The following FBXL4 variants were observed in gnomAD, a reference collection of about 807,000 sequenced individuals.
The protein encoded by FBXL4 is F-box and leucine rich repeat protein 4.
A neutral mutation model predicts 58.9 loss-of-function variants in FBXL4; 40 were observed. The observed-to-expected ratio is 0.68, with a 90% CI of 0.53 to 0.88. The LOEUF (loss-of-function observed/expected upper bound fraction) is 0.88. Among genes scored for constraint, FBXL4 ranks in the 40% least tolerant of loss-of-function variants. FBXL4 has a pLI of 0.00. For synonymous variants in FBXL4, 263 were observed against 265.5 expected (o/e 0.99, Z 0.09); for missense variants, 676 against 734.4 (o/e 0.92, Z 0.92).
chr6:98,890,940 A>C (rs530126419), intron 7 of FBXL4, among the ~76,000 whole-genome samples: 6 of 152,266 alleles, frequency 3.9e-5, no homozygotes, highest in African/African-American at 7.2e-5. Context: ...AAAACAACAA[A>C]AAAAAAGTTG....
chr6:98,939,472 A>C (rs1258297023), intron 1 of FBXL4, among the ~76,000 whole-genome samples: 1 of 152,230 alleles, frequency 6.6e-6, no homozygotes, highest in Non-Finnish European at 1.5e-5. Flanking sequence ...CTGCACCCAC[A>C]TAAGAACTGC....
intron 6 of FBXL4, among the ~76,000 whole-genome samples, chr6:98,903,487 G>A (rs760710062): frequency 6.6e-6 from 1 of 151,998 alleles, no homozygotes; most frequent in Non-Finnish European, 1.5e-5. Flanking sequence ...TTTATATATG[G>A]CTTTTTCTGA....
chr6:98,907,815 TC>T (rs1283149644), intron 5 of FBXL4, among the ~76,000 whole-genome samples: 2 of 152,276 alleles, frequency 1.3e-5, no homozygotes, highest in East Asian at 3.9e-4. Context: ...AGCCAAAATA[TC>T]ACAAAACGCA....
chr6:98,897,952 A>G lies in FBXL4; in HGVS notation c.1317+1316T>C, dbSNP rs150466948. Among the ~76,000 whole-genome samples, 365 of 152,326 alleles carry G rather than the reference A, an allele frequency of 2.4e-3. 1 individual carries two copies. The highest frequency in any genetic ancestry group is 6.6e-3 in the African/African-American group (276 of 41,572). ...TACCAAGTACTATTCTAGATTCTGGAAATATGGCAATGAAAAAGACCAACA... is the reference window on the plus strand; with the variant it reads ...TACCAAGTACTATTCTAGATTCTGGGAATATGGCAATGAAAAAGACCAACA... On this transcript the variant is annotated intron_variant, in intron 7 of 9. Transcript: ENST00000369244.
At chr6:98,926,268 A>G (rs1772775017) in intron 4 of FBXL4, among the ~76,000 whole-genome samples, 1 of 152,180 alleles carries the variant, frequency 6.6e-6, no homozygotes, top group African/African-American at 2.4e-5. Context: ...TAAGCCATGA[A>G]TATTACAGTA....
At chr6:98,897,692 G>GT (rs1423909260) in intron 7 of FBXL4, among the ~76,000 whole-genome samples, 3 of 152,132 alleles carry the variant, frequency 2.0e-5, no homozygotes, top group Non-Finnish European at 4.4e-5. Context: ...TCGGCTTCTG[G>GT]TAAGGGCTTT....
At chr6:98,897,055 A>G (rs574253254) in intron 7 of FBXL4, 1 of 984,510 alleles carries the variant, frequency 1.0e-6, no homozygotes, top group Non-Finnish European at 1.2e-6. Context: ...TAGCAAGTTA[A>G]TATTTTTTTG....
chr6:98,890,546 A>C (rs1420409297), intron 7 of FBXL4, among the ~76,000 whole-genome samples: 1 of 152,214 alleles, frequency 6.6e-6, no homozygotes, highest in Non-Finnish European at 1.5e-5. Context: ...TACATGTATA[A>C]GTGTAAATCT....
At chr6:98,934,717 T>A (rs1410583405) in intron 2 of FBXL4, 45 bp downstream of exon 2, 1 of 152,194 alleles carries the variant, frequency 6.6e-6, no homozygotes, top group Admixed American at 6.5e-5. Flanking sequence ...CTGTATTTTT[T>A]AATCAGTAAG....
chr6:98,937,789 T>C (rs1422265337), intron 1 of FBXL4, among the ~76,000 whole-genome samples: 4 of 152,338 alleles, frequency 2.6e-5, no homozygotes, highest in East Asian at 1.9e-4. Context: ...GTCCATGTCA[T>C]AGAAGGGTCC....
Position 98,901,617 on chromosome 6 carries a change from A to T in FBXL4, c.1104-2136T>A, listed in dbSNP as rs180972716. On this transcript the variant is annotated intron_variant, in intron 6 of 9. Transcript: ENST00000369244. The stretch of plus-strand genomic sequence containing the variant: ...CATATTGCATATTTTTACTCTGAGC[A>T]GATTATTTAATATCCTCATATTATC... Among the ~76,000 whole-genome samples, 52 of 152,238 alleles carry T rather than the reference A, an allele frequency of 3.4e-4. 1 individual carries two copies. The highest frequency in any genetic ancestry group is 8.5e-4 in the Admixed American group (13 of 15,290).
intron 1 of FBXL4, among the ~76,000 whole-genome samples, chr6:98,938,204 C>T (rs934342845): frequency 1.3e-5 from 2 of 152,204 alleles, no homozygotes; most frequent in African/African-American, 2.4e-5. Context: ...GTAACAATGG[C>T]ATATTCAATG....
At chr6:98,917,935 T>C (rs1582426160) in intron 4 of FBXL4, among the ~76,000 whole-genome samples, 1 of 152,274 alleles carries the variant, frequency 6.6e-6, no homozygotes, top group South Asian at 2.1e-4. Flanking sequence ...CAAACAGTCC[T>C]TTTTTACAGA....
intron 1 of FBXL4, among the ~76,000 whole-genome samples, chr6:98,941,391 T>C (rs1773426213): frequency 1.3e-5 from 2 of 152,210 alleles, no homozygotes; most frequent in Admixed American, 1.3e-4. Flanking sequence ...AATCAGTGAT[T>C]GCCCAGGGTT....
chr6:98,912,591 A>G (rs1238967677), intron 5 of FBXL4, among the ~76,000 whole-genome samples: 1 of 152,196 alleles, frequency 6.6e-6, no homozygotes, highest in Non-Finnish European at 1.5e-5. Context: ...TCATAAGTGA[A>G]GGAGAAATAA....
At chr6:98,903,111 T>G (rs994895760) in intron 6 of FBXL4, among the ~76,000 whole-genome samples, 2 of 152,180 alleles carry the variant, frequency 1.3e-5, no homozygotes, top group African/African-American at 4.8e-5. Flanking sequence ...AACATTGGTC[T>G]CTAGTTTTTA....
rs767346377 is a variant in FBXL4 at position 98,917,418 on chromosome 6, C to T, written c.814G>A (p.Gly272Arg). The change falls in exon 5 of 10, where the codon GGG (glycine) becomes AGG (arginine). Residue 272 changes from glycine (G) to arginine (R), a missense_variant. Transcript: ENST00000369244. The stretch of plus-strand genomic sequence containing the variant: ...AAATACCCATTATTTGGCCCTTCCC[C>T]GAGGACAGCACTGCTAAACTTTTTG... ...LNKKFSSAVL[G>R]EGPNNGYFDK... 18 of 1,612,704 alleles carry T rather than the reference C, an allele frequency of 1.1e-5. No homozygotes were observed. In the East Asian group the frequency reaches 1.6e-4, roughly 14 times the overall value.
intron 1 of FBXL4, among the ~76,000 whole-genome samples, chr6:98,940,096 G>C (rs2128412385): frequency 6.6e-6 from 1 of 152,078 alleles, no homozygotes; most frequent in East Asian, 1.9e-4. Flanking sequence ...TTTTGAAAAA[G>C]TTTAATTTTT....
chr6:98,927,121 T>C (rs1267369150), intron 3 of FBXL4, 61 bp from the exon 4 acceptor site: 3 of 826,780 alleles, frequency 3.6e-6, no homozygotes, highest in Non-Finnish European at 3.8e-6. Context: ...AATGCATGGA[T>C]AAGGTAATGA....
Sources: allele counts gnomAD v4.1 joint callset (sites outside exome capture counted in the v4.1 genomes callset), GRCh38; gene constraint gnomAD v4.1.1; transcripts MANE v1.5; gene names NCBI Gene and HGNC (gene_info 2026-07-23, HGNC 2026-07-21).